The following ASCC3 variants were observed in gnomAD, a reference collection of about 807,000 sequenced individuals.
ASCC3 encodes the protein ASC-1 complex subunit P200.
Under a neutral mutation model 256.3 loss-of-function variants are expected in ASCC3, and 158 were observed. The ratio of observed to expected loss-of-function variants is 0.62; its 90% confidence interval spans 0.54 to 0.70. ASCC3 has a LOEUF of 0.70. ASCC3 is among the 30% of genes least tolerant of loss of function. ASCC3 has a pLI of 0.00. For synonymous variants in ASCC3, 948 were observed against 883.4 expected (o/e 1.07, Z -1.30); for missense variants, 2,259 against 2,626.0 (o/e 0.86, Z 3.05).
At chr6:100,518,864 C>A (rs1774164483) in intron 37 of ASCC3, among the ~76,000 whole-genome samples, 1 of 152,124 alleles carries the variant, frequency 6.6e-6, no homozygotes, top group East Asian at 1.9e-4. Flanking sequence ...GACTTAAAGA[C>A]ACATAAGTTA....
chr6:100,557,259 G>A (rs1171164948), intron 36 of ASCC3, among the ~76,000 whole-genome samples: 1 of 152,092 alleles, frequency 6.6e-6, no homozygotes, highest in East Asian at 1.9e-4. Flanking sequence ...ATTTGAGATA[G>A]TTCTTTAACG....
chr6:100,603,461 A>T (rs2114799998), intron 33 of ASCC3, among the ~76,000 whole-genome samples: 1 of 152,166 alleles, frequency 6.6e-6, no homozygotes, highest in African/African-American at 2.4e-5. Context: ...ACCTTACTGC[A>T]GTGGTTTGGG....
At chr6:100,827,558 C>T (rs1165227092) in intron 4 of ASCC3, among the ~76,000 whole-genome samples, 1 of 152,018 alleles carries the variant, frequency 6.6e-6, no homozygotes, top group Non-Finnish European at 1.5e-5. Context: ...GCATTCACCA[C>T]AGTGTTTACC....
Position 100,681,725 on chromosome 6 carries a change from C to CAAAAAA in ASCC3, c.2152-1979_2152-1974dup, listed in dbSNP as rs10696130. 2.3e-3 allele frequency among the ~76,000 whole-genome samples: 133 copies of CAAAAAA among 58,448 alleles called. 4 individuals are homozygous for CAAAAAA. Among genetic ancestry groups the CAAAAAA allele is most frequent in the East Asian group, 4.1e-3 (6 of 1,474 alleles). The allele number at this position is 58,448 out of a possible 152,430, so 38.3% of individuals were successfully genotyped here. A position where few individuals can be genotyped will look rare whatever the true frequency, so the allele number is the denominator to read the frequency against. On this transcript the variant is annotated intron_variant, in intron 13 of 41. Coordinates refer to ENST00000369162, the MANE Select transcript of ASCC3 (RefSeq NM_006828.4). ...CTGGCAACAGAGCGAGACTCCGTCT[C>CAAAAAA]AAAAAAAAAAAAAAAAAAAAAAGAA...
chr6:100,872,470 G>A (rs1225277449), intron 1 of ASCC3, among the ~76,000 whole-genome samples: 3 of 125,432 alleles, frequency 2.4e-5, no homozygotes, highest in Non-Finnish European at 5.0e-5. Flanking sequence ...AAAAAGGGTC[G>A]GGGGGGGATC....
At chr6:100,602,589 A>G (rs904423506) in intron 33 of ASCC3, among the ~76,000 whole-genome samples, 9 of 152,072 alleles carry the variant, frequency 5.9e-5, no homozygotes, top group African/African-American at 1.9e-4. Flanking sequence ...CAAGTATAGA[A>G]TAAGTACTGA....
chr6:100,819,652 G>A (rs1056614102), intron 4 of ASCC3, among the ~76,000 whole-genome samples: 1 of 152,136 alleles, frequency 6.6e-6, no homozygotes, highest in African/African-American at 2.4e-5. Flanking sequence ...GAAGCATCCA[G>A]GAAGGGGGTG....
intron 4 of ASCC3, among the ~76,000 whole-genome samples, chr6:100,837,574 T>C (rs1210697260): frequency 6.6e-6 from 1 of 152,088 alleles, no homozygotes; most frequent in Non-Finnish European, 1.5e-5. Flanking sequence ...ATCCTGTCTC[T>C]TGCAACAACA....
chr6:100,574,852 C>G (rs1295078079), intron 36 of ASCC3, among the ~76,000 whole-genome samples: 1 of 151,936 alleles, frequency 6.6e-6, no homozygotes, highest in Non-Finnish European at 1.5e-5. Context: ...TTTCATTTCT[C>G]TATGTTAAAG....
intron 36 of ASCC3, among the ~76,000 whole-genome samples, chr6:100,560,748 AACACACACACACAC>A (rs747539213): frequency 3.1e-4 from 41 of 133,946 alleles, no homozygotes; most frequent in African/African-American, 8.1e-4. Flanking sequence ...ATCTTAGAGG[AACACACACACACAC>A]ACACACACAC....
At position 100,816,718 on chromosome 6, in the gene ASCC3, C is replaced by A. The variant is rs1003306921; in HGVS notation, c.802-10838G>T. 2.0e-5 allele frequency among the ~76,000 whole-genome samples: 3 copies of A among 152,066 alleles called. No individual in the cohort carries two copies. The South Asian group carries it at 6.2e-4, about 32-fold the overall frequency. On this transcript the variant is annotated intron_variant, in intron 4 of 41. Transcript: ENST00000369162. ...GCTAATTGATGAGAACAGATGAACA[C>A]ATAGAGAGGAACAACAGATACTGGG...
intron 3 of ASCC3, among the ~76,000 whole-genome samples, chr6:100,861,276 C>T (rs1773212133): frequency 6.6e-6 from 1 of 152,116 alleles, no homozygotes; most frequent in Non-Finnish European, 1.5e-5. Flanking sequence ...TGTTTCTTCA[C>T]ATACAAAATG....
intron 3 of ASCC3, among the ~76,000 whole-genome samples, chr6:100,862,174 A>C (rs17672990): frequency 0.069 from 10,430 of 152,222 alleles, 526 homozygotes; most frequent in South Asian, 0.12. Flanking sequence ...ACTACTTTTC[A>C]AACAACCTGC....
At chr6:100,851,668 A>G (rs1772674992) in intron 3 of ASCC3, among the ~76,000 whole-genome samples, 1 of 152,176 alleles carries the variant, frequency 6.6e-6, no homozygotes, top group South Asian at 2.1e-4. Flanking sequence ...TTAATACTCT[A>G]CCCTAATTAC....
Position 100,742,151 on chromosome 6 carries a change from C to T in ASCC3, c.1738-16448G>A, listed in dbSNP as rs1452975013. On this transcript the variant is annotated intron_variant, in intron 10 of 41. Coordinates refer to ENST00000369162, the MANE Select transcript of ASCC3 (RefSeq NM_006828.4). ...GCTGTGATTTGCTGGAGGTCTGCTC[C>T]AGATCCTAGTTGGCTCAGTTTTACT... 8.5e-5 allele frequency among the ~76,000 whole-genome samples: 13 copies of T among 152,168 alleles called. 1 individual carries two copies. The highest frequency in any genetic ancestry group is 3.1e-4 in the African/African-American group (13 of 41,440).
intron 4 of ASCC3, among the ~76,000 whole-genome samples, chr6:100,845,172 T>C (rs183545442): frequency 1.8e-4 from 28 of 152,244 alleles, no homozygotes; most frequent in African/African-American, 6.5e-4. Flanking sequence ...TGTCAGAATG[T>C]CTGAATTTAC....
chr6:100,537,893 G>GAT (rs1262985751), intron 37 of ASCC3, among the ~76,000 whole-genome samples: 4 of 149,784 alleles, frequency 2.7e-5, no homozygotes, highest in African/African-American at 9.8e-5. Flanking sequence ...GATATATATA[G>GAT]ATATATATAC....
At chr6:100,824,212 T>C (rs1357403986) in intron 4 of ASCC3, among the ~76,000 whole-genome samples, 2 of 152,206 alleles carry the variant, frequency 1.3e-5, no homozygotes, top group Non-Finnish European at 2.9e-5. Context: ...TGCTATGTTA[T>C]TGTGCTATTT....
intron 13 of ASCC3, among the ~76,000 whole-genome samples, chr6:100,689,075 C>T (rs764499801): frequency 2.6e-5 from 4 of 152,026 alleles, no homozygotes; most frequent in Non-Finnish European, 4.4e-5. Flanking sequence ...TCACTTAGTC[C>T]TCCTGCTGAC....
Sources: allele counts gnomAD v4.1 joint callset (sites outside exome capture counted in the v4.1 genomes callset), GRCh38; gene constraint gnomAD v4.1.1; transcripts MANE v1.5; gene names NCBI Gene and HGNC (gene_info 2026-07-23, HGNC 2026-07-21).